Variants in NUP153 observed in about 807,000 individuals in gnomAD.
The protein encoded by NUP153 is nuclear pore complex protein Nup153.
In NUP153, 27 loss-of-function variants were observed where a neutral mutation model predicts 134.6. The ratio of observed to expected loss-of-function variants is 0.20; its 90% CI spans 0.15 to 0.28. The LOEUF is 0.28. NUP153 is among the 10% of genes least tolerant of loss of function. The probability of loss-of-function intolerance (pLI) is 1.00; values close to 1 mark genes in which losing one functional copy is unlikely to be tolerated. For missense variants in NUP153, 1,821 were observed against 1,731.3 expected (o/e 1.05, Z -0.92); for synonymous variants, 640 against 623.5 (o/e 1.03, Z -0.40).
At chr6:17,639,248 T>C (rs1291992210) in intron 15 of NUP153, among the ~76,000 whole-genome samples, 1 of 152,074 alleles carries the variant, frequency 6.6e-6, no homozygotes, top group Non-Finnish European at 1.5e-5. Context: ...CAGCTAATTT[T>C]TTCTCTTTTT....
chr6:17,652,226 AC>A (rs1320820156), intron 11 of NUP153, among the ~76,000 whole-genome samples: 1 of 151,792 alleles, frequency 6.6e-6, no homozygotes, highest in Non-Finnish European at 1.5e-5. Context: ...AGATCACTAT[AC>A]CCAACAACTA....
At chr6:17,616,267 G>T in intron 21 of NUP153, 86 bp from the exon 22 acceptor site, 2 of 485,020 alleles carry the variant, frequency 4.1e-6, no homozygotes, top group Non-Finnish European at 7.1e-6. Context: ...CAGCACAAGG[G>T]TAAGGGGGGT....
intron 16 of NUP153, among the ~76,000 whole-genome samples, chr6:17,633,262 C>A (rs1008404835): frequency 1.3e-5 from 2 of 152,172 alleles, no homozygotes; most frequent in Non-Finnish European, 2.9e-5. Flanking sequence ...AAATTGTAGG[C>A]AATATCCTAA....
chr6:17,624,657 G>A lies in NUP153; in HGVS notation c.4078C>T (p.Pro1360Ser), dbSNP rs781687944. 20 of 1,614,058 alleles carry A rather than the reference G, an allele frequency of 1.2e-5. No homozygotes were observed. The highest frequency in any genetic ancestry group is 1.6e-5 in the Non-Finnish European group (19 of 1,180,040). The change falls in exon 20 of 22, where the codon CCT becomes TCT. Residue 1360 changes from proline to serine, a missense_variant. Pro to Ser is a moderately conservative substitution (Grantham distance 74). Transcript: ENST00000262077. The stretch of plus-strand genomic sequence containing the variant: ...CTGCTTGACACTGTCCCAAAAGTAG[G>A]TGGTGCAGGCTGAGAACCAGTGGGA... The part of the protein sequence containing the change: ...LFPTGSQPAP[P>S]TFGTVSSSSQ...
chr6:17,654,284 C>T (rs1293665858), intron 11 of NUP153, among the ~76,000 whole-genome samples: 1 of 152,074 alleles, frequency 6.6e-6, no homozygotes, highest in East Asian at 1.9e-4. Context: ...AAGGCACACA[C>T]TTGTCCACAC....
rs759487977 is a variant in NUP153, at chr6:17,637,278, G to A, written c.2339C>T (p.Thr780Ile). The part of the protein sequence containing the change: ...MTASSSSCTV[T>I]TGTLGFGDKF... Reference sequence around the variant, plus strand: ...ATCTCCAAATCCTAAGGTACCAGTGGTTACAGTGCAGCTGGAAGATGAAGC... The same window carrying A: ...ATCTCCAAATCCTAAGGTACCAGTGATTACAGTGCAGCTGGAAGATGAAGC... The change falls in exon 16 of 22, where the codon ACC becomes ATC. Residue 780 changes from threonine (T) to isoleucine (I), a missense_variant. Transcript: ENST00000262077. 1.2e-6 allele frequency: 2 copies of A among 1,614,042 alleles called. No individual in the cohort carries two copies. The highest frequency in any genetic ancestry group is 2.7e-5 in the African/African-American group (2 of 74,886).
At chr6:17,654,015 G>A (rs1196078891) in intron 11 of NUP153, among the ~76,000 whole-genome samples, 1 of 152,166 alleles carries the variant, frequency 6.6e-6, no homozygotes, top group Non-Finnish European at 1.5e-5. Flanking sequence ...AATAAAAAAA[G>A]ATGGACAGGT....
intron 1 of NUP153, among the ~76,000 whole-genome samples, chr6:17,695,794 G>A (rs1368319095): frequency 1.3e-5 from 2 of 152,188 alleles, no homozygotes; most frequent in African/African-American, 4.8e-5. Flanking sequence ...CGGATCATGA[G>A]GTCAGGAGAT....
At chr6:17,650,254 T>G (rs1048153870) in intron 11 of NUP153, among the ~76,000 whole-genome samples, 1 of 152,210 alleles carries the variant, frequency 6.6e-6, no homozygotes, top group Admixed American at 6.5e-5. Context: ...CTTCCTGTTC[T>G]CTTCATGAGT....
At chr6:17,617,298 AAAC>A (rs1764381704) in intron 20 of NUP153, among the ~76,000 whole-genome samples, 1 of 152,266 alleles carries the variant, frequency 6.6e-6, no homozygotes, top group Non-Finnish European at 1.5e-5. Flanking sequence ...AAGTGCATTA[AAAC>A]AACAAGGGAT....
intron 7 of NUP153, 43 bp downstream of exon 7, chr6:17,669,250 T>G (rs757179636): frequency 6.5e-7 from 1 of 1,550,334 alleles, no homozygotes; most frequent in East Asian, 2.2e-5. Context: ...GGCTAATTTT[T>G]GTATGAACAA....
At position 17,626,158 on chromosome 6, in the gene NUP153, C is replaced by G. The variant is rs1764938461; in HGVS notation, c.3551G>C (p.Gly1184Ala). ...GAAACTAAAAACTGGCTTTGCTGCA[C>G]CTTGATCTGTAAGACAGAAATTAAG... Reference protein sequence around the residue: ...GAQTSTTADQGAAKPVFSFLN... With the variant: ...GAQTSTTADQAAAKPVFSFLN... The change falls in exon 19 of 22, where the codon GGT (glycine) becomes GCT (alanine). Residue 1184 changes from glycine to alanine, a missense_variant. Gly to Ala is a moderately conservative substitution (Grantham distance 60). Coordinates refer to ENST00000262077, the MANE Select transcript of NUP153 (RefSeq NM_005124.4). 6.2e-7 allele frequency: 1 copy of G among 1,609,096 alleles called. No homozygotes were observed. Among genetic ancestry groups the G allele is most frequent in the Non-Finnish European group, 8.5e-7 (1 of 1,177,504 alleles).
chr6:17,620,309 GA>G (rs1357385125), intron 20 of NUP153, among the ~76,000 whole-genome samples: 9 of 152,038 alleles, frequency 5.9e-5, no homozygotes, highest in African/African-American at 2.2e-4. Flanking sequence ...TAGACCAATG[GA>G]ATAGAATAGA....
At chr6:17,655,982 ATC>A (rs1766793737) in intron 11 of NUP153, among the ~76,000 whole-genome samples, 1 of 152,028 alleles carries the variant, frequency 6.6e-6, no homozygotes, top group Admixed American at 6.6e-5. Context: ...AGGTGGGTGG[ATC>A]TCTTGAGGTC....
At chr6:17,619,967 A>G (rs1764560331) in intron 20 of NUP153, among the ~76,000 whole-genome samples, 1 of 151,968 alleles carries the variant, frequency 6.6e-6, no homozygotes, top group Non-Finnish European at 1.5e-5. Flanking sequence ...GTGTGGTGGC[A>G]CGCGCCTGTA....
At chr6:17,619,105 A>G (rs1357162929) in intron 20 of NUP153, among the ~76,000 whole-genome samples, 2 of 152,218 alleles carry the variant, frequency 1.3e-5, no homozygotes. Flanking sequence ...AAAAGAGGAG[A>G]GTCTAACAAT....
In NUP153 at chr6:17,665,220, G is replaced by A. The variant is rs890318091; in HGVS notation, c.1215+19C>T. On this transcript the variant is annotated intron_variant, in intron 9 of 21. Transcript: ENST00000262077. ...TCTAATCAATATTCAAAGACTGGTA[G>A]AAATATACATATACTCACACTGCAC... 1.3e-6 allele frequency: 2 copies of A among 1,565,614 alleles called. No individual in the cohort carries two copies. The highest frequency in any genetic ancestry group is 1.8e-6 in the Non-Finnish European group (2 of 1,138,926).
At chr6:17,646,854 C>G (rs954913572) in intron 13 of NUP153, among the ~76,000 whole-genome samples, 6 of 151,682 alleles carry the variant, frequency 4.0e-5, no homozygotes, top group Non-Finnish European at 8.8e-5. Flanking sequence ...ATTCTCCTGT[C>G]TCAGCCTCCT....
intron 20 of NUP153, among the ~76,000 whole-genome samples, chr6:17,622,050 G>C (rs904922349): frequency 6.6e-5 from 10 of 152,100 alleles, no homozygotes; most frequent in African/African-American, 2.2e-4. Flanking sequence ...TTAATGCTTT[G>C]TGTTTTCTGT....
Sources: gnomAD v4.1 joint callset for allele counts (sites outside exome capture counted in the v4.1 genomes callset) on GRCh38, gnomAD v4.1.1 for gene constraint, MANE v1.5 for transcripts, NCBI Gene and HGNC (gene_info 2026-07-23, HGNC 2026-07-21) for gene names.